Variants in FGGY observed in about 807,000 individuals in gnomAD.
The protein encoded by FGGY is FGGY carbohydrate kinase domain containing, also known as FGGY carbohydrate kinase domain-containing protein.
In FGGY, 72 loss-of-function variants were observed where a neutral mutation model predicts 71.3. The ratio of observed to expected loss-of-function variants is 1.01; its 90% CI spans 0.84 to 1.23. The LOEUF (loss-of-function observed/expected upper bound fraction) is 1.23. Among genes scored for constraint, FGGY ranks in the 50% most tolerant of loss-of-function variants. FGGY has a pLI of 0.00. For missense variants in FGGY, 668 were observed against 682.3 expected, an observed-to-expected ratio of 0.98 and a Z score of 0.23; for synonymous variants, 251 against 250.3, an observed-to-expected ratio of 1.00 and a Z score of -0.02.
intron 5 of FGGY, among the ~76,000 whole-genome samples, chr1:59,379,469 A>T (rs2059113924): frequency 6.6e-6 from 1 of 152,188 alleles, no homozygotes; most frequent in Non-Finnish European, 1.5e-5. Context: ...AAAGATAAAA[A>T]GTAGTATACT....
At chr1:59,544,883 A>G (rs539152419) in intron 7 of FGGY, among the ~76,000 whole-genome samples, 12 of 152,152 alleles carry the variant, frequency 7.9e-5, no homozygotes, top group African/African-American at 2.9e-4. Context: ...CCATCTGGCT[A>G]TTTTTCTCTA....
At chr1:59,589,633 T>A (rs1202289776) in intron 8 of FGGY, among the ~76,000 whole-genome samples, 8 of 152,018 alleles carry the variant, frequency 5.3e-5, no homozygotes, top group Non-Finnish European at 1.2e-4. Flanking sequence ...ATTCAGAAAC[T>A]CACTCAAAAC....
chr1:59,517,458 G>A (rs1288883734), intron 7 of FGGY, among the ~76,000 whole-genome samples: 1 of 151,484 alleles, frequency 6.6e-6, no homozygotes. Context: ...GTAGAGACGG[G>A]GTTTCACCGT....
chr1:59,638,216 C>T lies in FGGY; in HGVS notation c.1074-12C>T, dbSNP rs1484516944. 6.2e-7 allele frequency: 1 copy of T among 1,611,388 alleles called. No individual in the cohort carries two copies. The highest frequency in any genetic ancestry group is 1.1e-5 in the South Asian group (1 of 90,648). ...ATCCCCCCTTTAAAAATAAAATTCA[C>T]TTCTCTTCCAGATGCCAGAGTATAT... On this transcript the variant is annotated splice_polypyrimidine_tract_variant and intron_variant, in intron 10 of 15. Transcript: ENST00000303721.
chr1:59,478,195 G>A (rs753843117), intron 6 of FGGY, among the ~76,000 whole-genome samples: 11 of 152,140 alleles, frequency 7.2e-5, no homozygotes, highest in East Asian at 1.9e-4. Flanking sequence ...TATCTTATCC[G>A]GATATCCAGA....
intron 8 of FGGY, among the ~76,000 whole-genome samples, chr1:59,580,138 G>T (rs961349741): frequency 6.6e-6 from 1 of 152,050 alleles, no homozygotes; most frequent in African/African-American, 2.4e-5. Context: ...AACAACACTT[G>T]CCTTCACTCA....
intron 10 of FGGY, 71 bp downstream of exon 10, chr1:59,626,120 T>C: frequency 1.5e-6 from 2 of 1,308,302 alleles, no homozygotes; most frequent in Admixed American, 1.8e-5. Flanking sequence ...CGTTGGGCAG[T>C]TGGGTGATTT....
chr1:59,400,478 T>A (rs1360861416), intron 5 of FGGY, among the ~76,000 whole-genome samples: 1 of 152,124 alleles, frequency 6.6e-6, no homozygotes, highest in Non-Finnish European at 1.5e-5. Context: ...CTTTAAAATT[T>A]GTAATTTTAA....
intron 14 of FGGY, among the ~76,000 whole-genome samples, chr1:59,707,469 G>A (rs779780223): frequency 2.6e-5 from 4 of 152,190 alleles, no homozygotes; most frequent in Non-Finnish European, 5.9e-5. Context: ...CAGTAGGCCC[G>A]GAGCTAACAG....
At chr1:59,474,770 T>G (rs1035181358) in intron 6 of FGGY, among the ~76,000 whole-genome samples, 1 of 152,178 alleles carries the variant, frequency 6.6e-6, no homozygotes, top group African/African-American at 2.4e-5. Flanking sequence ...AAATAAGTAA[T>G]AAGTTCACAG....
rs549581339 is a variant in FGGY at position 59,342,848 on chromosome 1, C to T, written c.313+2779C>T. On this transcript the variant is annotated intron_variant, in intron 3 of 15. Transcript: ENST00000303721. ...TAGATGTTAACCAAAAAATTATAAA[C>T]GAATAAATTAAGTACAATAGTTTAA... Among the ~76,000 whole-genome samples, 4 of 152,234 alleles carry T rather than the reference C, an allele frequency of 2.6e-5. No individual in the cohort carries two copies. In the East Asian group the frequency reaches 5.8e-4, roughly 22 times the overall value.
At chr1:59,569,351 A>G (rs2095939243) in intron 8 of FGGY, among the ~76,000 whole-genome samples, 2 of 152,212 alleles carry the variant, frequency 1.3e-5, no homozygotes, top group African/African-American at 4.8e-5. Context: ...AGTCACATAA[A>G]ATTGCACAAT....
At chr1:59,697,669 T>C (rs2097673773) in intron 14 of FGGY, 4 of 1,303,952 alleles carry the variant, frequency 3.1e-6, no homozygotes, top group Non-Finnish European at 4.0e-6. Flanking sequence ...GATAGCTCAG[T>C]TGTGGACGAT....
intron 4 of FGGY, among the ~76,000 whole-genome samples, chr1:59,365,331 G>A (rs1399801950): frequency 6.6e-6 from 1 of 152,170 alleles, no homozygotes; most frequent in Non-Finnish European, 1.5e-5. Context: ...GTCCCGGAGA[G>A]TGAGAGGTTG....
chr1:59,540,375 C>A (rs559067646), intron 7 of FGGY, among the ~76,000 whole-genome samples: 1 of 152,166 alleles, frequency 6.6e-6, no homozygotes, highest in Non-Finnish European at 1.5e-5. Flanking sequence ...TTGGTATATT[C>A]GTGGAGTAAA....
In FGGY at chr1:59,457,093, T is replaced by C; in HGVS notation, c.670+17T>C. 3 of 1,533,968 alleles carry C rather than the reference T, an allele frequency of 2.0e-6. No individual in the cohort carries two copies. The highest frequency in any genetic ancestry group is 1.7e-5 in the Admixed American group (1 of 59,874). ...GCAAAATAGGTAAAAGAATAAAACA[T>C]CTGTAGAGTGATTATGTGCATTGGA... is the stretch of plus-strand genomic sequence containing the variant. On this transcript the variant is annotated intron_variant, in intron 6 of 15. Coordinates refer to ENST00000303721, the MANE Select transcript of FGGY (RefSeq NM_018291.5).
chr1:59,476,300 A>G (rs767198234), intron 6 of FGGY, among the ~76,000 whole-genome samples: 1 of 152,208 alleles, frequency 6.6e-6, no homozygotes. Flanking sequence ...TGGATGCTTT[A>G]TAGGTATTAA....
intron 3 of FGGY, among the ~76,000 whole-genome samples, chr1:59,341,980 G>C (rs1182938088): frequency 3.3e-5 from 5 of 152,128 alleles, no homozygotes; most frequent in Non-Finnish European, 7.4e-5. Flanking sequence ...GGTGGTGTTG[G>C]GGGCAGAGTT....
chr1:59,361,306 A>G (rs1342500627), intron 4 of FGGY, among the ~76,000 whole-genome samples: 1 of 152,230 alleles, frequency 6.6e-6, no homozygotes, highest in Non-Finnish European at 1.5e-5. Context: ...CTCATATTCT[A>G]GAAAGGAGAT....
Sources: gnomAD v4.1 joint callset for allele counts (sites outside exome capture counted in the v4.1 genomes callset) on GRCh38, gnomAD v4.1.1 for gene constraint, MANE v1.5 for transcripts, NCBI Gene and HGNC (gene_info 2026-07-23, HGNC 2026-07-21) for gene names.